The following ZFAT variants were observed in gnomAD, a reference collection of about 807,000 sequenced individuals.
ZFAT encodes zinc finger protein ZFAT.
Under a neutral mutation model 117.7 loss-of-function variants are expected in ZFAT, and 64 were observed. The observed-to-expected ratio is 0.54, with a 90% CI of 0.44 to 0.67. The LOEUF (loss-of-function observed/expected upper bound fraction) is 0.67. Ranked by LOEUF, ZFAT falls within the 30% of genes least tolerant of loss-of-function variation. ZFAT has a pLI of 0.00. For synonymous variants in ZFAT, 679 were observed against 615.0 expected, an observed-to-expected ratio of 1.10 and a Z score of -1.54; for missense variants, 1,433 against 1,584.5, an observed-to-expected ratio of 0.90 and a Z score of 1.62.
intron 3 of ZFAT, among the ~76,000 whole-genome samples, chr8:134,632,590 A>C (rs78992785): frequency 6.6e-6 from 1 of 152,064 alleles, no homozygotes; most frequent in Non-Finnish European, 1.5e-5. Context: ...CATTTTTTTT[A>C]AATTGGAGGG....
At chr8:134,772,989 G>T in the ZFAT span, among the ~76,000 whole-genome samples, 1 of 151,956 alleles carries the variant, frequency 6.6e-6, no homozygotes, top group African/African-American at 2.4e-5. Context: ...CTACTGGGAG[G>T]GCCGAGGTGT....
At chr8:134,713,887 A>G (rs1030792790), upstream of ZFAT, among the ~76,000 whole-genome samples, 23 of 4,170 alleles carry the variant, frequency 5.5e-3, no homozygotes, top group African/African-American at 0.02. Flanking sequence ...TCCCTCCCTT[A>G]CCTCTGTCAA....
chr8:134,663,374 G>T (rs1832038033), intron 1 of ZFAT, among the ~76,000 whole-genome samples: 1 of 152,190 alleles, frequency 6.6e-6, no homozygotes, highest in Non-Finnish European at 1.5e-5. Context: ...GTTATTAATG[G>T]ATAGATATTA....
chr8:134,645,619 C>T (rs1412159457), intron 2 of ZFAT, among the ~76,000 whole-genome samples: 2 of 152,122 alleles, frequency 1.3e-5, no homozygotes, highest in Non-Finnish European at 2.9e-5. Context: ...CCATAACATG[C>T]AAATAACATC....
chr8:134,606,412 G>C (rs1206862686), intron 5 of ZFAT, among the ~76,000 whole-genome samples: 1 of 152,198 alleles, frequency 6.6e-6, no homozygotes, highest in African/African-American at 2.4e-5. Flanking sequence ...AATGTAATGT[G>C]ATTAAGTTTT....
At chr8:134,556,993 T>C (rs765058733) in intron 11 of ZFAT, among the ~76,000 whole-genome samples, 4 of 152,020 alleles carry the variant, frequency 2.6e-5, no homozygotes, top group Admixed American at 2.0e-4. Context: ...AAATATTTTA[T>C]AAATATTTAC....
chr8:134,602,962 C>G (rs958703726), intron 5 of ZFAT, 29 bp from the exon 6 acceptor site: 1 of 1,573,992 alleles, frequency 6.4e-7, no homozygotes, highest in East Asian at 2.2e-5. Flanking sequence ...ATGGTTACAT[C>G]TGGAGACCTT....
At chr8:134,783,418 G>A in the ZFAT span, among the ~76,000 whole-genome samples, 2 of 152,104 alleles carry the variant, frequency 1.3e-5, no homozygotes, top group African/African-American at 4.8e-5. Flanking sequence ...CACTCCTTAT[G>A]AGAATCTAAC....
At chr8:134,665,029 T>C (rs1439389095) in intron 1 of ZFAT, among the ~76,000 whole-genome samples, 1 of 152,216 alleles carries the variant, frequency 6.6e-6, no homozygotes, top group East Asian at 1.9e-4. Context: ...TCATTTCTGA[T>C]CTCTGATTTG....
chr8:134,757,316 C>T, the ZFAT span, among the ~76,000 whole-genome samples: 1 of 152,018 alleles, frequency 6.6e-6, no homozygotes, highest in Non-Finnish European at 1.5e-5. Context: ...CGCACCCAGC[C>T]CTTCCTTCCT....
chr8:134,788,271 T>A, the ZFAT span, among the ~76,000 whole-genome samples: 1 of 152,186 alleles, frequency 6.6e-6, no homozygotes, highest in Admixed American at 6.5e-5. Context: ...TGTAAATCTA[T>A]AAATTTTCCT....
chr8:134,624,732 C>A (rs2131038460), intron 3 of ZFAT, among the ~76,000 whole-genome samples: 1 of 152,260 alleles, frequency 6.6e-6, no homozygotes, highest in East Asian at 1.9e-4. Flanking sequence ...GAATTTCTTA[C>A]CCTTGAATTC....
chr8:134,625,142 C>T (rs1829410698), intron 3 of ZFAT, among the ~76,000 whole-genome samples: 1 of 152,234 alleles, frequency 6.6e-6, no homozygotes, highest in Non-Finnish European at 1.5e-5. Context: ...TTCCCTTAGG[C>T]TTTCTCGCAT....
chr8:134,817,097 C>T, the ZFAT span, among the ~76,000 whole-genome samples: 2 of 151,922 alleles, frequency 1.3e-5, no homozygotes, highest in African/African-American at 4.8e-5. Flanking sequence ...GCTATGCTGC[C>T]CAGTTGATCA....
At chr8:134,643,364 G>A (rs1830697404) in intron 2 of ZFAT, among the ~76,000 whole-genome samples, 1 of 152,186 alleles carries the variant, frequency 6.6e-6, no homozygotes, top group African/African-American at 2.4e-5. Context: ...TCTTCACTAA[G>A]TTCTGCAGGA....
chr8:134,485,560 T>A (rs2130063732), intron 15 of ZFAT, among the ~76,000 whole-genome samples: 1 of 152,220 alleles, frequency 6.6e-6, no homozygotes, highest in Non-Finnish European at 1.5e-5. Flanking sequence ...TGGGGAGGTG[T>A]CTTGCCAAAC....
chr8:134,610,741 G>A, intron 3 of ZFAT, 86 bp from the exon 4 acceptor site: 1 of 1,484,472 alleles, frequency 6.7e-7, no homozygotes, highest in Middle Eastern at 1.8e-4. Flanking sequence ...TCACGGGACA[G>A]TAAAGGAAAC....
chr8:134,552,738 G>A (rs928516359), intron 11 of ZFAT, among the ~76,000 whole-genome samples: 6 of 152,222 alleles, frequency 3.9e-5, no homozygotes, highest in African/African-American at 1.4e-4. Context: ...TCAAACAGCA[G>A]AGAGGGTTAT....
chr8:134,504,909 G>T (rs1819277632), intron 15 of ZFAT, among the ~76,000 whole-genome samples: 1 of 152,068 alleles, frequency 6.6e-6, no homozygotes, highest in Non-Finnish European at 1.5e-5. Context: ...CTGGAGCCCT[G>T]CTCCCACCCT....
Sources: allele counts gnomAD v4.1 joint callset (sites outside exome capture counted in the v4.1 genomes callset), GRCh38; gene constraint gnomAD v4.1.1; transcripts MANE v1.5; gene names NCBI Gene and HGNC (gene_info 2026-07-23, HGNC 2026-07-21).